The following KIRREL3 variants were observed in gnomAD, a reference collection of about 807,000 sequenced individuals.
KIRREL3 encodes kin of IRRE-like protein 3.
Under a neutral mutation model 89.7 loss-of-function variants are expected in KIRREL3, and 36 were observed. The ratio of observed to expected loss-of-function variants is 0.40; its 90% CI spans 0.31 to 0.53. KIRREL3 has a LOEUF of 0.53. KIRREL3 is among the 20% of genes least tolerant of loss of function. The pLI is 0.49. For missense variants in KIRREL3, 864 were observed against 1,056.6 expected, an observed-to-expected ratio of 0.82 and a Z score of 2.53; for synonymous variants, 445 against 441.4, an observed-to-expected ratio of 1.01 and a Z score of -0.10.
intron 1 of KIRREL3, among the ~76,000 whole-genome samples, chr11:126,841,768 C>T (rs1015319323): frequency 4.6e-5 from 7 of 152,204 alleles, no homozygotes; most frequent in Non-Finnish European, 1.0e-4. Context: ...TCTAGGCATC[C>T]GCTTTCATTG....
At chr11:126,762,749 A>G (rs556820439) in intron 1 of KIRREL3, among the ~76,000 whole-genome samples, 97 of 152,258 alleles carry the variant, frequency 6.4e-4, no homozygotes, top group Non-Finnish European at 1.2e-3. Flanking sequence ...ATGGCCCTCA[A>G]TGGAGACCTT....
intron 1 of KIRREL3, among the ~76,000 whole-genome samples, chr11:126,671,079 A>G (rs888439970): frequency 6.6e-6 from 1 of 152,234 alleles, no homozygotes; most frequent in African/African-American, 2.4e-5. Context: ...TTGGCCATCT[A>G]TATTAGAAAC....
rs1946523899 is a variant in KIRREL3, at chr11:126,682,906, A to G, written c.56-119994T>C. On this transcript the variant is annotated intron_variant, in intron 1 of 16. Transcript: ENST00000525144. This position sits in a 1 kb window ranked among gnomAD's most constrained non-coding sequence, Gnocchi z 4.8. The stretch of plus-strand genomic sequence containing the variant: ...TCTATGAGGATAGAAAATCTGGTAA[A>G]GTAATTCACCCTAAGATGCCATTAA... Among the ~76,000 whole-genome samples the G allele has an allele frequency of 6.6e-6, 1 of 152,178 alleles. No homozygotes were observed.
At position 126,864,664 on chromosome 11, in the gene KIRREL3, A is replaced by C. The variant is rs76858106; in HGVS notation, c.55+135791T>G. Among the ~76,000 whole-genome samples the C allele has an allele frequency of 3.5e-3, 539 of 152,318 alleles. 2 individuals carry two copies. The highest frequency in any genetic ancestry group is 0.011 in the African/African-American group (469 of 41,558). ...GTAGTAACCAACATTGAATTGCACT[A>C]TGTGCTTCACATGTATTCATCTCTC... On this transcript the variant is annotated intron_variant, in intron 1 of 16. Transcript: ENST00000525144.
rs913239411 is a variant in KIRREL3 at position 126,898,997 on chromosome 11, C to T, written c.55+101458G>A. ...ATGCTGTAAGATGAGACTTAAAAGC[C>T]GCAGGGGAGTTTGGGGGGGGTCTCT... On this transcript the variant is annotated intron_variant, in intron 1 of 16. Coordinates refer to ENST00000525144, the MANE Select transcript of KIRREL3 (RefSeq NM_032531.4). The surrounding 1 kb of genome is among the most constrained non-coding windows in gnomAD (Gnocchi z 4.9). Among the ~76,000 whole-genome samples, 4 of 98,598 alleles carry T rather than the reference C, an allele frequency of 4.1e-5. No homozygotes were observed. The highest frequency in any genetic ancestry group is 1.1e-4 in the Admixed American group (1 of 9,380). The allele number at this position is 98,598 out of a possible 152,430, so 64.7% of individuals were successfully genotyped here.
chr11:126,915,555 C>T lies in KIRREL3; in HGVS notation c.55+84900G>A, dbSNP rs78296719. ...CAGGCATCATAGGCTTCCTTTGCCT[C>T]TCTGTAGAATCCAGTTTTGTCCAAG... On this transcript the variant is annotated intron_variant, in intron 1 of 16. Transcript: ENST00000525144. Among the ~76,000 whole-genome samples the T allele has an allele frequency of 4.7e-4, 71 of 152,254 alleles. 3 individuals are homozygous for T. The East Asian group carries it at 0.011, about 24-fold the overall frequency.
rs200958796 is a variant in KIRREL3 at position 126,761,358 on chromosome 11, C to T, written c.56-198446G>A. ...GTTGGCTTCTCAGGAGTTTCCTACT[C>T]GCTGGGGCCTGTGAGGCACAGCAAC... is the stretch of plus-strand genomic sequence containing the variant. On this transcript the variant is annotated intron_variant, in intron 1 of 16. Coordinates refer to ENST00000525144, the MANE Select transcript of KIRREL3 (RefSeq NM_032531.4). This position sits in a 1 kb window ranked among gnomAD's most constrained non-coding sequence, Gnocchi z 4.4. 1.3e-5 allele frequency among the ~76,000 whole-genome samples: 2 copies of T among 151,912 alleles called. No individual in the cohort carries two copies. Among genetic ancestry groups the T allele is most frequent in the Non-Finnish European group, 2.9e-5 (2 of 67,974 alleles).
chr11:126,483,051 G>A (rs1404311204), intron 4 of KIRREL3, among the ~76,000 whole-genome samples: 1 of 152,232 alleles, frequency 6.6e-6, no homozygotes, highest in Non-Finnish European at 1.5e-5. Flanking sequence ...GCGAGAGCTA[G>A]CTGTAAAAAA....
At chr11:126,450,687 C>T (rs573681575) in intron 7 of KIRREL3, among the ~76,000 whole-genome samples, 78 of 118,782 alleles carry the variant, frequency 6.6e-4, no homozygotes, top group African/African-American at 2.6e-3. Context: ...GTGCATGGTG[C>T]GTGTGTGGTG....
intron 1 of KIRREL3, among the ~76,000 whole-genome samples, chr11:126,971,526 G>T (rs1383369450): frequency 6.6e-6 from 1 of 152,026 alleles, no homozygotes; most frequent in Non-Finnish European, 1.5e-5. Context: ...ACTGAGTTCG[G>T]CACCCATAAA....
At chr11:126,886,057 C>A (rs1436937025) in intron 1 of KIRREL3, among the ~76,000 whole-genome samples, 1 of 152,160 alleles carries the variant, frequency 6.6e-6, no homozygotes, top group East Asian at 1.9e-4. Flanking sequence ...TGACTCTTTT[C>A]CACTCTTTTC....
chr11:126,825,765 A>C (rs866928283), intron 1 of KIRREL3, among the ~76,000 whole-genome samples: 1 of 152,324 alleles, frequency 6.6e-6, no homozygotes, highest in South Asian at 2.1e-4. Context: ...TCCCCACAGC[A>C]ACCCAGTGAG....
chr11:126,643,508 G>A lies in KIRREL3; in HGVS notation c.56-80596C>T, dbSNP rs955356596. 3.3e-5 allele frequency among the ~76,000 whole-genome samples: 5 copies of A among 152,176 alleles called. No individual in the cohort carries two copies. Among genetic ancestry groups the A allele is most frequent in the Admixed American group, 6.5e-5 (1 of 15,280 alleles). Reference sequence around the variant, plus strand: ...AGGAGGTCATGGTTCAGGGAAAGGTGACTAGTGGGAAATAGGACTGAAGAT... The same window carrying A: ...AGGAGGTCATGGTTCAGGGAAAGGTAACTAGTGGGAAATAGGACTGAAGAT... On this transcript the variant is annotated intron_variant, in intron 1 of 16. Coordinates refer to ENST00000525144, the MANE Select transcript of KIRREL3 (RefSeq NM_032531.4). The surrounding 1 kb of genome is among the most constrained non-coding windows in gnomAD (Gnocchi z 4.5).
At position 126,742,166 on chromosome 11, in the gene KIRREL3, C is replaced by T. The variant is rs181313214; in HGVS notation, c.56-179254G>A. On this transcript the variant is annotated intron_variant, in intron 1 of 16. Transcript: ENST00000525144. This position sits in a 1 kb window ranked among gnomAD's most constrained non-coding sequence, Gnocchi z 5.3. ...TCATTTGCATAAGCTTTAAAATAAG[C>T]CTTTAGAACAAATGTAAATGGATCT... Among the ~76,000 whole-genome samples the T allele has an allele frequency of 9.2e-5, 14 of 152,246 alleles. No homozygotes were observed. The highest frequency in any genetic ancestry group is 2.6e-4 in the Admixed American group (4 of 15,296).
rs1040157905 is a variant in KIRREL3 at position 126,519,835 on chromosome 11, C to T, written c.433+1480G>A. Among the ~76,000 whole-genome samples, 2 of 152,332 alleles carry T rather than the reference C, an allele frequency of 1.3e-5. No homozygotes were observed. Among genetic ancestry groups the T allele is most frequent in the South Asian group, 4.1e-4 (2 of 4,826 alleles). On this transcript the variant is annotated intron_variant, in intron 4 of 16. Coordinates refer to ENST00000525144, the MANE Select transcript of KIRREL3 (RefSeq NM_032531.4). The surrounding 1 kb of genome is among the most constrained non-coding windows in gnomAD (Gnocchi z 4.3). ...CCACACCACATGGCAGACTCATTCT[C>T]ATTTTAGTCACCGTCTTGGGAGAAA...
rs1433789525 is a variant in KIRREL3, at chr11:126,807,085, G to T, written c.55+193370C>A. Among the ~76,000 whole-genome samples, 3 of 152,268 alleles carry T rather than the reference G, an allele frequency of 2.0e-5. No individual in the cohort carries two copies. Among genetic ancestry groups the T allele is most frequent in the Middle Eastern group, 3.4e-3 (1 of 294 alleles). The stretch of plus-strand genomic sequence containing the variant: ...ATGACCACGCTGTACTCTTCAAAGG[G>T]GATGAAACTGAGACCCTGCAAGGAT... On this transcript the variant is annotated intron_variant, in intron 1 of 16. Coordinates refer to ENST00000525144, the MANE Select transcript of KIRREL3 (RefSeq NM_032531.4). This position sits in a 1 kb window ranked among gnomAD's most constrained non-coding sequence, Gnocchi z 4.3.
chr11:126,950,999 A>C (rs1471832903), intron 1 of KIRREL3, among the ~76,000 whole-genome samples: 1 of 152,250 alleles, frequency 6.6e-6, no homozygotes. Context: ...TAAGAAAAAA[A>C]ACAGTTTCTG....
At position 126,576,894 on chromosome 11, in the gene KIRREL3, A is replaced by G. The variant is rs907545303; in HGVS notation, c.56-13982T>C. 6.6e-6 allele frequency among the ~76,000 whole-genome samples: 1 copy of G among 152,074 alleles called. No homozygotes were observed. Among genetic ancestry groups the G allele is most frequent in the Non-Finnish European group, 1.5e-5 (1 of 68,030 alleles). On this transcript the variant is annotated intron_variant, in intron 1 of 16. Transcript: ENST00000525144. This position sits in a 1 kb window ranked among gnomAD's most constrained non-coding sequence, Gnocchi z 5.4. ...GATGCTGCTATCTGCTGGGCACTTT[A>G]CACACACACAGTTATGCCATTTAGT...
Position 126,676,402 on chromosome 11 carries a change from C to A in KIRREL3, c.56-113490G>T, listed in dbSNP as rs1946189303. On this transcript the variant is annotated intron_variant, in intron 1 of 16. Coordinates refer to ENST00000525144, the MANE Select transcript of KIRREL3 (RefSeq NM_032531.4). The surrounding 1 kb of genome is among the most constrained non-coding windows in gnomAD (Gnocchi z 4.5). ...AGTTCAGGCTAGAATTCTCTCCTAC[C>A]CTGGGGCCTCTCTAGTCCCCCAGGG... Among the ~76,000 whole-genome samples the A allele has an allele frequency of 6.6e-6, 1 of 152,146 alleles. No individual in the cohort carries two copies. The highest frequency in any genetic ancestry group is 6.5e-5 in the Admixed American group (1 of 15,274).
Sources: allele counts gnomAD v4.1 joint callset (sites outside exome capture counted in the v4.1 genomes callset), GRCh38; gene constraint gnomAD v4.1.1; non-coding constraint Gnocchi (gnomAD v3.1); transcripts MANE v1.5; gene names NCBI Gene and HGNC (gene_info 2026-07-23, HGNC 2026-07-21).